DRC8: variants seen among roughly 807,000 people sequenced by gnomAD.
DRC8 encodes the protein dynein regulatory complex protein 8.
the DRC8 span, among the ~76,000 whole-genome samples, chr1:244,974,230 G>C: frequency 6.6e-6 from 1 of 152,036 alleles, no homozygotes; most frequent in Non-Finnish European, 1.5e-5. Flanking sequence ...AAATCTTATT[G>C]TTTCTGTCTC....
At chr1:245,044,404 C>A in the DRC8 span, among the ~76,000 whole-genome samples, 1 of 152,178 alleles carries the variant, frequency 6.6e-6, no homozygotes, top group African/African-American at 2.4e-5. Context: ...TTTTTCTCTA[C>A]TCCAAAAACT....
the DRC8 span, chr1:244,971,156 C>T: frequency 6.6e-6 from 1 of 152,462 alleles, no homozygotes; most frequent in Non-Finnish European, 1.5e-5. Context: ...TCCGAAATGC[C>T]TGCCCCGCCG....
the DRC8 span, among the ~76,000 whole-genome samples, chr1:245,056,282 A>G: frequency 6.6e-6 from 1 of 152,016 alleles, no homozygotes; most frequent in African/African-American, 2.4e-5. Context: ...ACAAATTTCC[A>G]TACCTTACAT....
chr1:245,024,913 C>T, the DRC8 span, among the ~76,000 whole-genome samples: 1 of 152,092 alleles, frequency 6.6e-6, no homozygotes, highest in Admixed American at 6.6e-5. Context: ...TTTTGTTTGA[C>T]CTGACAGTTT....
chr1:245,089,526 G>A, the DRC8 span, among the ~76,000 whole-genome samples: 2 of 151,964 alleles, frequency 1.3e-5, no homozygotes, highest in African/African-American at 4.8e-5. The surrounding 1 kb of genome is among the most constrained non-coding windows in gnomAD (Gnocchi z 4.8). Flanking sequence ...GCAAGGAGGA[G>A]GCAGTGGCCA....
At chr1:245,077,592 C>A in the DRC8 span, among the ~76,000 whole-genome samples, 1 of 152,148 alleles carries the variant, frequency 6.6e-6, no homozygotes, top group Non-Finnish European at 1.5e-5. Context: ...CCAGCTAATC[C>A]TCAGCAAGAG....
At chr1:245,115,256 C>T in the DRC8 span, among the ~76,000 whole-genome samples, 1 of 151,592 alleles carries the variant, frequency 6.6e-6, no homozygotes, top group African/African-American at 2.4e-5. Context: ...CCATGTTGCC[C>T]AGACTGATCT....
chr1:245,045,560 CAT>C, the DRC8 span, among the ~76,000 whole-genome samples: 1 of 152,172 alleles, frequency 6.6e-6, no homozygotes, highest in Non-Finnish European at 1.5e-5. Flanking sequence ...ACGTCCATCT[CAT>C]GTAAATGAAG....
chr1:245,020,312 G>A, the DRC8 span, among the ~76,000 whole-genome samples: 407 of 152,310 alleles, frequency 2.7e-3, 2 homozygotes, highest in African/African-American at 9.3e-3. Flanking sequence ...ACTGTCAAAA[G>A]CATTATGAGC....
chr1:245,026,379 T>A, the DRC8 span, among the ~76,000 whole-genome samples: 1 of 152,228 alleles, frequency 6.6e-6, no homozygotes, highest in African/African-American at 2.4e-5. Context: ...CCATAAATAT[T>A]ACTTTTACTT....
chr1:244,969,893 C>CGGGA, the DRC8 span: 5 of 451,836 alleles, frequency 1.1e-5, no homozygotes, highest in African/African-American at 4.1e-5. Flanking sequence ...GAATGGGAAG[C>CGGGA]GGGAGGAGGA....
chr1:245,071,752 T>C, the DRC8 span, among the ~76,000 whole-genome samples: 1 of 152,216 alleles, frequency 6.6e-6, no homozygotes, highest in Non-Finnish European at 1.5e-5. Flanking sequence ...ACAGAAAGAT[T>C]TTACTTCAAA....
chr1:245,056,630 G>A, the DRC8 span, among the ~76,000 whole-genome samples: 11,710 of 152,258 alleles, frequency 0.077, 514 homozygotes, highest in African/African-American at 0.096. Context: ...AAAAGAAACA[G>A]GTGTTGGAAG....
At chr1:245,054,706 AG>A in the DRC8 span, among the ~76,000 whole-genome samples, 1 of 152,112 alleles carries the variant, frequency 6.6e-6, no homozygotes, top group East Asian at 1.9e-4. Flanking sequence ...TTCTACGTAG[AG>A]GAGCTCTTCT....
the DRC8 span, among the ~76,000 whole-genome samples, chr1:245,027,867 T>C: frequency 2.7e-5 from 4 of 145,764 alleles, no homozygotes; most frequent in Non-Finnish European, 6.1e-5. Context: ...GATTCTCTTG[T>C]CAGTTTTTTT....
the DRC8 span, among the ~76,000 whole-genome samples, chr1:245,115,011 A>G: frequency 1.3e-5 from 2 of 152,106 alleles, no homozygotes; most frequent in African/African-American, 2.4e-5. Flanking sequence ...GGCGTGAGCC[A>G]CCGTCCCCAG....
chr1:245,110,497 C>T, the DRC8 span, among the ~76,000 whole-genome samples: 1 of 152,256 alleles, frequency 6.6e-6, no homozygotes, highest in Non-Finnish European at 1.5e-5. Flanking sequence ...TTAAATAAGA[C>T]AGGACCTAGT....
chr1:245,055,669 A>C, the DRC8 span, among the ~76,000 whole-genome samples: 1 of 152,108 alleles, frequency 6.6e-6, no homozygotes, highest in Admixed American at 6.5e-5. Flanking sequence ...GCAGTCCTCG[A>C]TATTTGTAAC....
At chr1:244,993,979 T>C in the DRC8 span, among the ~76,000 whole-genome samples, 1 of 152,032 alleles carries the variant, frequency 6.6e-6, no homozygotes, top group Admixed American at 6.5e-5. Context: ...TATTCCTCCA[T>C]AGTAAGGAGG....
Sources: gnomAD v4.1 joint callset for allele counts (sites outside exome capture counted in the v4.1 genomes callset) on GRCh38, gnomAD v4.1.1 for gene constraint, Gnocchi (gnomAD v3.1) non-coding constraint, MANE v1.5 for transcripts, NCBI Gene and HGNC (gene_info 2026-07-23, HGNC 2026-07-21) for gene names.